XPO4: variants seen among roughly 807,000 people sequenced by gnomAD.
XPO4 encodes exportin 4.
XPO4 carries 39 observed loss-of-function variants against 143.0 expected under a neutral mutation model. The observed-to-expected ratio is 0.27, with a 90% CI of 0.21 to 0.36. XPO4 has a LOEUF of 0.36. XPO4 is among the 10% of genes least tolerant of loss of function. The pLI is 1.00. For synonymous variants in XPO4, 439 were observed against 474.0 expected (o/e 0.93, Z 0.96); for missense variants, 907 against 1,348.0 (o/e 0.67, Z 5.12).
intron 15 of XPO4, among the ~76,000 whole-genome samples, chr13:20,799,601 T>C (rs995014111): frequency 5.9e-5 from 9 of 152,138 alleles, no homozygotes; most frequent in African/African-American, 2.2e-4. Flanking sequence ...AACAGTCTCC[T>C]GGGGCTGAGA....
rs957616569 is a variant in XPO4 at position 20,780,154 on chromosome 13, C to G, written c.*3568G>C. The G allele has an allele frequency of 6.6e-6, 1 of 152,132 alleles. No individual in the cohort carries two copies. Among genetic ancestry groups the G allele is most frequent in the East Asian group, 1.9e-4 (1 of 5,196 alleles). 9.4% of individuals were successfully genotyped at this position (152,132 alleles called of 1,614,324 possible). A position where few individuals can be genotyped will look rare whatever the true frequency, so the allele number is the denominator to read the frequency against. ...AACACAAACAAACCTTAAGAAGTAC[C>G]GAGGTTCCTTCTGACTTAAAAGGTT... On this transcript the variant is annotated 3_prime_UTR_variant, in exon 23 of 23. Coordinates refer to ENST00000255305, the MANE Select transcript of XPO4 (RefSeq NM_022459.5).
chr13:20,881,218 T>C (rs1251570601), intron 1 of XPO4, among the ~76,000 whole-genome samples: 2 of 152,154 alleles, frequency 1.3e-5, no homozygotes, highest in African/African-American at 4.8e-5. Context: ...GTGATAAATT[T>C]TGGTGATAGT....
intron 13 of XPO4, among the ~76,000 whole-genome samples, 179 bp from the exon 14 acceptor site, chr13:20,801,169 C>T (rs1163148998): frequency 1.3e-5 from 2 of 152,088 alleles, no homozygotes; most frequent in Admixed American, 6.6e-5. Context: ...TGATCTTTCA[C>T]GAAGCAGGAG....
At chr13:20,823,799 G>A (rs752376687) in intron 7 of XPO4, among the ~76,000 whole-genome samples, 10 of 152,232 alleles carry the variant, frequency 6.6e-5, no homozygotes, top group Non-Finnish European at 1.2e-4. Flanking sequence ...TTACAGGCAC[G>A]TGCCACGGCG....
intron 9 of XPO4, 121 bp from the exon 10 acceptor site, chr13:20,810,088 A>AT: frequency 1.3e-6 from 1 of 759,876 alleles, no homozygotes. Flanking sequence ...CCAATTATTG[A>AT]TAAGTTTTTA....
chr13:20,800,850 T>C lies in XPO4; in HGVS notation c.1958A>G (p.Asp653Gly). The C allele has an allele frequency of 6.2e-7, 1 of 1,613,850 alleles. No homozygotes were observed. The highest frequency in any genetic ancestry group is 2.2e-5 in the East Asian group (1 of 44,836). The stretch of plus-strand genomic sequence containing the variant: ...TCTGACCTGATCATACAGTTTTTCA[T>C]CCACCAGGAGATAAGTCTTTGCCCA... ...KRWAKTYLLV[D>G]EKLYDQISLP... Residue 653 changes from aspartate to glycine, a missense_variant, in exon 14 of 23, where the codon GAT becomes GGT. By Grantham distance (94) the Asp-to-Gly change is moderately conservative (BLOSUM62 -1). Transcript: ENST00000255305.
In XPO4 at chr13:20,813,422, T is replaced by TAC. The variant is rs78603120; in HGVS notation, c.1174-3457_1174-3456dup. 2.0e-3 allele frequency among the ~76,000 whole-genome samples: 305 copies of TAC among 152,274 alleles called. 1 individual carries two copies. Among genetic ancestry groups the TAC allele is most frequent in the South Asian group, 7.5e-3 (36 of 4,826 alleles). On this transcript the variant is annotated intron_variant, in intron 9 of 22. Coordinates refer to ENST00000255305, the MANE Select transcript of XPO4 (RefSeq NM_022459.5). The stretch of plus-strand genomic sequence containing the variant: ...CATTTCAAAAGAGGAATCACAGAAC[T>TAC]ACATATTTAAATATATGAAAAGATG...
At chr13:20,880,364 A>G (rs1436246769) in intron 1 of XPO4, among the ~76,000 whole-genome samples, 3 of 151,808 alleles carry the variant, frequency 2.0e-5, no homozygotes, top group Admixed American at 2.0e-4. Context: ...CCCAGTAGGT[A>G]GTGGTTGCGG....
At chr13:20,877,120 A>G (rs1354675391) in intron 1 of XPO4, among the ~76,000 whole-genome samples, 1 of 152,222 alleles carries the variant, frequency 6.6e-6, no homozygotes, top group Non-Finnish European at 1.5e-5. Flanking sequence ...CACTCGACCC[A>G]GGAAGTCCAG....
At chr13:20,879,156 C>T in intron 1 of XPO4, 3 of 985,404 alleles carry the variant, frequency 3.0e-6, no homozygotes, top group Non-Finnish European at 3.6e-6. Flanking sequence ...TGACAGCTGC[C>T]TAGCATAAAG....
At chr13:20,805,698 CTTAT>C (rs1170120110) in intron 13 of XPO4, among the ~76,000 whole-genome samples, 1 of 152,170 alleles carries the variant, frequency 6.6e-6, no homozygotes, top group Admixed American at 6.5e-5. Flanking sequence ...GCATAATTTA[CTTAT>C]TTATTCTCTC....
At chr13:20,880,468 C>T (rs2060397915) in intron 1 of XPO4, among the ~76,000 whole-genome samples, 1 of 151,878 alleles carries the variant, frequency 6.6e-6, no homozygotes, top group African/African-American at 2.4e-5. Context: ...GGAACAGCCA[C>T]TAGGGAAGAT....
chr13:20,787,604 C>G lies in XPO4; in HGVS notation c.3048-6G>C. 23 of 1,612,702 alleles carry G rather than the reference C, an allele frequency of 1.4e-5. No homozygotes were observed. The highest frequency in any genetic ancestry group is 1.8e-5 in the Non-Finnish European group (21 of 1,178,842). On this transcript the variant is annotated splice_region_variant and splice_polypyrimidine_tract_variant and intron_variant, in intron 20 of 22. Coordinates refer to ENST00000255305, the MANE Select transcript of XPO4 (RefSeq NM_022459.5). ...GGCAAACCTCCGAACTCATTCTGAT[C>G]ATGAAGGTCAAAGAACAAACTAGAT...
chr13:20,812,964 T>C (rs185012394), intron 9 of XPO4, among the ~76,000 whole-genome samples: 14 of 152,340 alleles, frequency 9.2e-5, no homozygotes, highest in African/African-American at 3.1e-4. Flanking sequence ...TACTTGAGAC[T>C]GGGTAATTTA....
intron 9 of XPO4, among the ~76,000 whole-genome samples, chr13:20,811,406 G>A (rs538471985): frequency 6.6e-6 from 1 of 151,354 alleles, no homozygotes; most frequent in South Asian, 2.1e-4. Flanking sequence ...TCCTGCCTCA[G>A]CCTCCTGAGT....
chr13:20,781,031 GAT>G lies in XPO4; in HGVS notation c.*2689_*2690del, dbSNP rs1251759552. On this transcript the variant is annotated 3_prime_UTR_variant, in exon 23 of 23. Transcript: ENST00000255305. ...ATGTATGGAAAACTAGAGGTTAAAG[GAT>G]ACTATATGAACAACAGAAATTTTAT... The G allele has an allele frequency of 6.6e-6, 1 of 152,036 alleles. No individual in the cohort carries two copies. Among genetic ancestry groups the G allele is most frequent in the Admixed American group, 6.5e-5 (1 of 15,274 alleles). The allele number at this position is 152,036 out of a possible 1,614,324, so 9.4% of individuals were successfully genotyped here.
chr13:20,879,012 T>C, intron 1 of XPO4: 10 of 807,514 alleles, frequency 1.2e-5, no homozygotes, highest in Non-Finnish European at 1.5e-5. Context: ...AGTGCATCAC[T>C]GAGCTTACAA....
intron 1 of XPO4, among the ~76,000 whole-genome samples, chr13:20,898,316 G>A (rs2060588218): frequency 6.6e-6 from 1 of 152,126 alleles, no homozygotes; most frequent in South Asian, 2.1e-4. Flanking sequence ...GTTAATCCCA[G>A]CACTTTGGGA....
At chr13:20,824,055 T>C (rs1326949546) in intron 7 of XPO4, among the ~76,000 whole-genome samples, 1 of 152,270 alleles carries the variant, frequency 6.6e-6, no homozygotes, top group African/African-American at 2.4e-5. Context: ...CAGTGTTGAA[T>C]ATGAACATAT....
Sources: gnomAD v4.1 joint callset for allele counts (sites outside exome capture counted in the v4.1 genomes callset) on GRCh38, gnomAD v4.1.1 for gene constraint, MANE v1.5 for transcripts, NCBI Gene and HGNC (gene_info 2026-07-23, HGNC 2026-07-21) for gene names.